Variants in EYA4 observed in about 807,000 individuals in gnomAD.
The protein encoded by EYA4 is EYA transcriptional coactivator and phosphatase 4.
EYA4 carries 31 observed loss-of-function variants against 87.9 expected under a neutral mutation model. That is an observed-to-expected ratio of 0.35 (90% confidence interval 0.27 to 0.48). EYA4 has a LOEUF of 0.48. Among genes scored for constraint, EYA4 ranks in the 20% least tolerant of loss-of-function variants. EYA4 has a pLI of 0.99. For missense variants in EYA4, 678 were observed against 761.4 expected (o/e 0.89, Z 1.29); for synonymous variants, 263 against 270.6 (o/e 0.97, Z 0.28).
At chr6:133,499,219 C>T (rs1797898264) in intron 13 of EYA4, among the ~76,000 whole-genome samples, 1 of 152,154 alleles carries the variant, frequency 6.6e-6, no homozygotes, top group African/African-American at 2.4e-5. Flanking sequence ...CATCAACCCT[C>T]TCCTAGGCAT....
At chr6:133,318,796 T>A (rs989868589) in intron 2 of EYA4, among the ~76,000 whole-genome samples, 3 of 152,186 alleles carry the variant, frequency 2.0e-5, no homozygotes, top group African/African-American at 7.2e-5. Flanking sequence ...TGTAAGTGTG[T>A]TCCTAATGTT....
At chr6:133,443,187 A>G (rs1026372296) in intron 3 of EYA4, among the ~76,000 whole-genome samples, 9 of 151,958 alleles carry the variant, frequency 5.9e-5, no homozygotes, top group African/African-American at 2.2e-4. Flanking sequence ...TTATTAAAAA[A>G]ATTGTTACTA....
chr6:133,447,647 A>T (rs1368827677), intron 4 of EYA4, among the ~76,000 whole-genome samples: 1 of 152,144 alleles, frequency 6.6e-6, no homozygotes, highest in Non-Finnish European at 1.5e-5. Context: ...TAGAATAACG[A>T]TGCAATCTAA....
intron 3 of EYA4, chr6:133,439,317 G>A (rs1792038984): frequency 6.6e-6 from 1 of 152,004 alleles, no homozygotes; most frequent in Non-Finnish European, 1.5e-5. Context: ...AATTCACCTT[G>A]TCACACTCAC....
chr6:133,268,936 T>C (rs1333491992), intron 1 of EYA4, among the ~76,000 whole-genome samples: 2 of 152,102 alleles, frequency 1.3e-5, no homozygotes, highest in Admixed American at 6.6e-5. Flanking sequence ...AATCTAGAAC[T>C]CTCTGCCTAC....
intron 2 of EYA4, among the ~76,000 whole-genome samples, chr6:133,334,239 T>A (rs926270834): frequency 6.6e-6 from 1 of 152,174 alleles, no homozygotes; most frequent in Non-Finnish European, 1.5e-5. Flanking sequence ...TTTTAAAAAA[T>A]CCGATTTTAA....
At chr6:133,450,111 G>T (rs1354332067) in intron 5 of EYA4, among the ~76,000 whole-genome samples, 2 of 151,742 alleles carry the variant, frequency 1.3e-5, no homozygotes, top group Admixed American at 6.6e-5. Flanking sequence ...TCAGCCTCCC[G>T]AGTAGCTGGG....
intron 2 of EYA4, among the ~76,000 whole-genome samples, chr6:133,299,546 CT>C (rs1325161449): frequency 1.3e-5 from 2 of 151,578 alleles, no homozygotes. Flanking sequence ...CCCGTCTCTA[CT>C]AAAAATACAC....
chr6:133,294,354 G>GT (rs1437302285), intron 2 of EYA4, among the ~76,000 whole-genome samples: 4 of 144,476 alleles, frequency 2.8e-5, no homozygotes, highest in South Asian at 2.2e-4. Flanking sequence ...TTTTTTTTTT[G>GT]TTTTGTTTTT....
intron 3 of EYA4, among the ~76,000 whole-genome samples, chr6:133,438,475 A>G (rs576319742): frequency 6.8e-4 from 102 of 150,030 alleles, no homozygotes; most frequent in African/African-American, 2.4e-3. Flanking sequence ...CATTAAGCAG[A>G]TACCTCCCCC....
intron 17 of EYA4, among the ~76,000 whole-genome samples, chr6:133,521,144 C>T (rs1800088764): frequency 6.6e-6 from 1 of 151,140 alleles, no homozygotes; most frequent in South Asian, 2.1e-4. Flanking sequence ...AGCTTCTGCA[C>T]AGCAAAAGAA....
chr6:133,262,469 GCTA>G (rs1775875802), intron 1 of EYA4, among the ~76,000 whole-genome samples: 1 of 152,190 alleles, frequency 6.6e-6, no homozygotes, highest in Non-Finnish European at 1.5e-5. Flanking sequence ...GGTTGCTTGG[GCTA>G]AGAATTCTTT....
intron 2 of EYA4, among the ~76,000 whole-genome samples, chr6:133,285,035 C>T (rs1267907838): frequency 6.6e-6 from 1 of 150,878 alleles, no homozygotes; most frequent in Admixed American, 6.6e-5. Context: ...CTCACTCTGT[C>T]CCCCAAGCTG....
chr6:133,389,539 C>A lies in EYA4; in HGVS notation c.83+7098C>A, dbSNP rs139436184. The stretch of plus-strand genomic sequence containing the variant: ...TATCTGTTAAATGAATGAATAACTT[C>A]CAAATACACAAATCTGGCTTGCAAT... On this transcript the variant is annotated intron_variant, in intron 3 of 19. Transcript: ENST00000355286. 2.5e-3 allele frequency among the ~76,000 whole-genome samples: 376 copies of A among 152,304 alleles called. 2 individuals carry two copies. Among genetic ancestry groups the A allele is most frequent in the African/African-American group, 8.6e-3 (359 of 41,572 alleles).
chr6:133,243,551 G>GT (rs1344439961), intron 1 of EYA4, among the ~76,000 whole-genome samples: 2 of 151,920 alleles, frequency 1.3e-5, no homozygotes, highest in Non-Finnish European at 2.9e-5. Flanking sequence ...GTTGACGATG[G>GT]TTTTTTTGTT....
chr6:133,320,293 G>C (rs1426750514), intron 2 of EYA4, among the ~76,000 whole-genome samples: 1 of 151,842 alleles, frequency 6.6e-6, no homozygotes, highest in Non-Finnish European at 1.5e-5. Flanking sequence ...ACTTTTTAAA[G>C]ATGGATAAAT....
chr6:133,490,337 A>G (rs1382294136), intron 13 of EYA4, among the ~76,000 whole-genome samples: 1 of 152,086 alleles, frequency 6.6e-6, no homozygotes, highest in Admixed American at 6.5e-5. Flanking sequence ...CTGAATGTAA[A>G]TGGACTAAAC....
At chr6:133,421,652 TG>T (rs1790233156) in intron 3 of EYA4, among the ~76,000 whole-genome samples, 1 of 152,190 alleles carries the variant, frequency 6.6e-6, no homozygotes, top group South Asian at 2.1e-4. Context: ...TATTATGGGA[TG>T]GGATTGAAAC....
intron 3 of EYA4, among the ~76,000 whole-genome samples, chr6:133,384,367 C>T (rs1326894699): frequency 6.6e-6 from 1 of 152,046 alleles, no homozygotes; most frequent in Non-Finnish European, 1.5e-5. Flanking sequence ...TAATAACTGT[C>T]TCTCTAAATG....
Sources: allele counts gnomAD v4.1 joint callset (sites outside exome capture counted in the v4.1 genomes callset), GRCh38; gene constraint gnomAD v4.1.1; transcripts MANE v1.5; gene names NCBI Gene and HGNC (gene_info 2026-07-23, HGNC 2026-07-21).